ASB18: variants seen among roughly 807,000 people sequenced by gnomAD.
ASB18 encodes the protein ankyrin repeat and SOCS box containing 18.
A neutral mutation model predicts 33.4 loss-of-function variants in ASB18; 33 were observed. That is an observed-to-expected ratio of 0.99 (90% CI 0.75 to 1.32). The LOEUF (loss-of-function observed/expected upper bound fraction) is 1.32, where lower values mean the gene tolerates loss of function less well. ASB18 is among the 40% of genes most tolerant of loss of function. The pLI is 0.00. For missense variants in ASB18, 694 were observed against 655.5 expected, an observed-to-expected ratio of 1.06 and a Z score of -0.64; for synonymous variants, 295 against 307.6, an observed-to-expected ratio of 0.96 and a Z score of 0.43.
At chr2:236,206,242 T>C (rs2060432282) in intron 4 of ASB18, among the ~76,000 whole-genome samples, 2 of 152,036 alleles carry the variant, frequency 1.3e-5, no homozygotes, top group African/African-American at 4.8e-5. Flanking sequence ...TATTTCATTA[T>C]AGTGAACACT....
In ASB18 at chr2:236,241,232, T is replaced by G; in HGVS notation, c.328+48A>C. On this transcript the variant is annotated intron_variant, in intron 2 of 5. Coordinates refer to ENST00000409749, the MANE Select transcript of ASB18 (RefSeq NM_212556.4). The surrounding 1 kb of genome is among the most constrained non-coding windows in gnomAD (Gnocchi z 4.2). ...GGAGCCTTACACTCCCAGAGAGTAT[T>G]AGTAGCCCCTTAAAAATAAATGACT... 6.3e-7 allele frequency: 1 copy of G among 1,598,708 alleles called. No individual in the cohort carries two copies. The highest frequency in any genetic ancestry group is 8.6e-7 in the Non-Finnish European group (1 of 1,167,714).
In ASB18 at chr2:236,209,050, C is replaced by G. The variant is rs562968146; in HGVS notation, c.1101+5312G>C. ...CTCCTCCCACTGGGGACTGGGTGCA[C>G]GCAACTCTGTGAAGATGGGAGGGGG... On this transcript the variant is annotated intron_variant, in intron 4 of 5. Transcript: ENST00000409749. This position sits in a 1 kb window ranked among gnomAD's most constrained non-coding sequence, Gnocchi z 4.4. Among the ~76,000 whole-genome samples the G allele has an allele frequency of 6.6e-6, 1 of 152,100 alleles. No individual in the cohort carries two copies. The highest frequency in any genetic ancestry group is 1.5e-5 in the Non-Finnish European group (1 of 68,028).
In ASB18 at chr2:236,239,472, G is replaced by C. The variant is rs188736539; in HGVS notation, c.329-1516C>G. On this transcript the variant is annotated intron_variant, in intron 2 of 5. Coordinates refer to ENST00000409749, the MANE Select transcript of ASB18 (RefSeq NM_212556.4). The surrounding 1 kb of genome is among the most constrained non-coding windows in gnomAD (Gnocchi z 5.6). ...CTGTAACTCCCGCCCTCTGGTCCCAGTTCTGCCACCAGGAGGGACGTGAAT... is the reference window on the plus strand; with the variant it reads ...CTGTAACTCCCGCCCTCTGGTCCCACTTCTGCCACCAGGAGGGACGTGAAT... Among the ~76,000 whole-genome samples, 18 of 149,422 alleles carry C rather than the reference G, an allele frequency of 1.2e-4. No individual in the cohort carries two copies. The highest frequency in any genetic ancestry group is 4.4e-4 in the African/African-American group (18 of 40,786).
chr2:236,239,162 C>T lies in ASB18; in HGVS notation c.329-1206G>A, dbSNP rs2060609960. On this transcript the variant is annotated intron_variant, in intron 2 of 5. Transcript: ENST00000409749. The surrounding 1 kb of genome is among the most constrained non-coding windows in gnomAD (Gnocchi z 5.6). ...GATGTAGTCTATCTACATTGTTATC[C>T]CCGTGATAACAATAACCTACATTCC... Among the ~76,000 whole-genome samples the T allele has an allele frequency of 6.6e-6, 1 of 152,130 alleles. No homozygotes were observed. Among genetic ancestry groups the T allele is most frequent in the South Asian group, 2.1e-4 (1 of 4,820 alleles).
At chr2:236,224,437 A>C (rs970635998) in intron 3 of ASB18, among the ~76,000 whole-genome samples, 5 of 152,104 alleles carry the variant, frequency 3.3e-5, no homozygotes, top group African/African-American at 1.2e-4. Flanking sequence ...CAGAAAGCTG[A>C]AGAATGTACC....
At chr2:236,247,536 C>G (rs1294409092) in intron 1 of ASB18, 2 of 143,500 alleles carry the variant, frequency 1.4e-5, no homozygotes, top group African/African-American at 3.0e-5. Context: ...TGTTTTCTGA[C>G]CCAGTGCTCT....
chr2:236,233,090 CT>C (rs2060573930), intron 3 of ASB18, among the ~76,000 whole-genome samples: 2 of 151,996 alleles, frequency 1.3e-5, no homozygotes, highest in African/African-American at 4.8e-5. Flanking sequence ...AGGATAACTC[CT>C]CATGATCAAG....
At chr2:236,197,134 C>A (rs2060378285) in intron 4 of ASB18, among the ~76,000 whole-genome samples, 1 of 150,974 alleles carries the variant, frequency 6.6e-6, no homozygotes, top group Non-Finnish European at 1.5e-5. Flanking sequence ...AAAGCAAATT[C>A]CATGTATCCT....
chr2:236,234,420 C>T lies in ASB18; in HGVS notation c.596+3269G>A, dbSNP rs975733298. ...GGTATTCTTCAATTTGTGTTGACAT[C>T]ATCCAGCCCCTTTTGTCTAGGTGTT... is the stretch of plus-strand genomic sequence containing the variant. On this transcript the variant is annotated intron_variant, in intron 3 of 5. Transcript: ENST00000409749. This position sits in a 1 kb window ranked among gnomAD's most constrained non-coding sequence, Gnocchi z 4.1. Among the ~76,000 whole-genome samples, 9 of 152,270 alleles carry T rather than the reference C, an allele frequency of 5.9e-5. No individual in the cohort carries two copies. The highest frequency in any genetic ancestry group is 2.2e-4 in the African/African-American group (9 of 41,560).
In ASB18 at chr2:236,234,252, C is replaced by G. The variant is rs1576405132; in HGVS notation, c.596+3437G>C. 6.6e-6 allele frequency among the ~76,000 whole-genome samples: 1 copy of G among 152,232 alleles called. No individual in the cohort carries two copies. Among genetic ancestry groups the G allele is most frequent in the East Asian group, 1.9e-4 (1 of 5,176 alleles). On this transcript the variant is annotated intron_variant, in intron 3 of 5. Coordinates refer to ENST00000409749, the MANE Select transcript of ASB18 (RefSeq NM_212556.4). The surrounding 1 kb of genome is among the most constrained non-coding windows in gnomAD (Gnocchi z 4.1). ...CCTTGCCCCCTCCCCTGGCTATGTC[C>G]CCTAGGAGGCTGCTATGAGATGGTT...
intron 4 of ASB18, chr2:236,210,540 G>A (rs190666745): frequency 6.6e-6 from 1 of 152,316 alleles, no homozygotes; most frequent in Non-Finnish European, 1.5e-5. Flanking sequence ...TCCTCTGCCA[G>A]GTGAGAGTCT....
Position 236,257,994 on chromosome 2 carries a change from C to T in ASB18, c.205+6147G>A, listed in dbSNP as rs1574673827. Among the ~76,000 whole-genome samples the T allele has an allele frequency of 1.3e-5, 2 of 152,188 alleles. No individual in the cohort carries two copies. The highest frequency in any genetic ancestry group is 3.9e-4 in the East Asian group (2 of 5,190). ...TTGCCAATTCCTCCTTCTTTGCCTC[C>T]GTGTAGGACCAGTTTCAGTTTGAAC... On this transcript the variant is annotated intron_variant, in intron 1 of 5. Coordinates refer to ENST00000409749, the MANE Select transcript of ASB18 (RefSeq NM_212556.4). The surrounding 1 kb of genome is among the most constrained non-coding windows in gnomAD (Gnocchi z 5.5).
chr2:236,198,383 T>C (rs183573267), intron 4 of ASB18, among the ~76,000 whole-genome samples: 1 of 152,320 alleles, frequency 6.6e-6, no homozygotes, highest in African/African-American at 2.4e-5. Flanking sequence ...TTTTCTTTTT[T>C]TTTTGGATGG....
chr2:236,195,322 C>T lies in ASB18; in HGVS notation c.1216-265G>A, dbSNP rs148310279. 4.7e-3 allele frequency among the ~76,000 whole-genome samples: 722 copies of T among 152,250 alleles called. 3 individuals carry two copies. The highest frequency in any genetic ancestry group is 0.017 in the African/African-American group (696 of 41,552). ...TGCTCCAGGTGGTCTCCCCGAATTC[C>T]GTTTTGCTCCATCCTCTTTGCACAG... On this transcript the variant is annotated intron_variant, in intron 5 of 5. Coordinates refer to ENST00000409749, the MANE Select transcript of ASB18 (RefSeq NM_212556.4). The surrounding 1 kb of genome is among the most constrained non-coding windows in gnomAD (Gnocchi z 5.5).
chr2:236,215,734 A>G lies in ASB18; in HGVS notation c.597-868T>C, dbSNP rs534391592. On this transcript the variant is annotated intron_variant, in intron 3 of 5. Transcript: ENST00000409749. This position sits in a 1 kb window ranked among gnomAD's most constrained non-coding sequence, Gnocchi z 7.2. Reference sequence around the variant, plus strand: ...CCTGGAAGCCGGAAGACAGTCATACAGACCCTCTGCCCTCCGCTGGTCCTT... The same window carrying G: ...CCTGGAAGCCGGAAGACAGTCATACGGACCCTCTGCCCTCCGCTGGTCCTT... Among the ~76,000 whole-genome samples the G allele has an allele frequency of 1.3e-5, 2 of 152,226 alleles. No individual in the cohort carries two copies. Among genetic ancestry groups the G allele is most frequent in the Admixed American group, 1.3e-4 (2 of 15,288 alleles).
In ASB18 at chr2:236,222,691, C is replaced by T. The variant is rs1450402196; in HGVS notation, c.597-7825G>A. Among the ~76,000 whole-genome samples, 1 of 152,150 alleles carries T rather than the reference C, an allele frequency of 6.6e-6. No homozygotes were observed. Among genetic ancestry groups the T allele is most frequent in the African/African-American group, 2.4e-5 (1 of 41,440 alleles). ...AGTACCATCCCCTTGGTGCTTTCCTCACGATAGCGAGTTCATGGGTGATCT... is the reference window on the plus strand; with the variant it reads ...AGTACCATCCCCTTGGTGCTTTCCTTACGATAGCGAGTTCATGGGTGATCT... On this transcript the variant is annotated intron_variant, in intron 3 of 5. Transcript: ENST00000409749. The surrounding 1 kb of genome is among the most constrained non-coding windows in gnomAD (Gnocchi z 5.5).
chr2:236,253,595 C>T lies in ASB18; in HGVS notation c.205+10546G>A, dbSNP rs2060678422. On this transcript the variant is annotated intron_variant, in intron 1 of 5. Transcript: ENST00000409749. The surrounding 1 kb of genome is among the most constrained non-coding windows in gnomAD (Gnocchi z 5.4). The stretch of plus-strand genomic sequence containing the variant: ...GGGAGATGGGGTCTCACTGTGTTGC[C>T]CAGGCTGGTCTCTAACTCCTGGCCT... 6.6e-6 allele frequency among the ~76,000 whole-genome samples: 1 copy of T among 151,490 alleles called. No individual in the cohort carries two copies. The highest frequency in any genetic ancestry group is 2.1e-4 in the South Asian group (1 of 4,762).
rs1046930010 is a variant in ASB18 at position 236,251,743 on chromosome 2, G to C, written c.206-10341C>G. On this transcript the variant is annotated intron_variant, in intron 1 of 5. Coordinates refer to ENST00000409749, the MANE Select transcript of ASB18 (RefSeq NM_212556.4). The surrounding 1 kb of genome is among the most constrained non-coding windows in gnomAD (Gnocchi z 5.3). ...ACTGTAAGTGACTGCTGAAACACTG[G>C]ACTGCTAATCACGTTCAATTTTACT... is the stretch of plus-strand genomic sequence containing the variant. Among the ~76,000 whole-genome samples the C allele has an allele frequency of 1.1e-4, 16 of 152,156 alleles. No individual in the cohort carries two copies. Among genetic ancestry groups the C allele is most frequent in the Non-Finnish European group, 1.8e-4 (12 of 68,024 alleles).
Position 236,234,292 on chromosome 2 carries a change from G to A in ASB18, c.596+3397C>T, listed in dbSNP as rs2060579362. Among the ~76,000 whole-genome samples the A allele has an allele frequency of 6.6e-6, 1 of 152,168 alleles. No homozygotes were observed. The highest frequency in any genetic ancestry group is 1.5e-5 in the Non-Finnish European group (1 of 68,022). On this transcript the variant is annotated intron_variant, in intron 3 of 5. Coordinates refer to ENST00000409749, the MANE Select transcript of ASB18 (RefSeq NM_212556.4). This position sits in a 1 kb window ranked among gnomAD's most constrained non-coding sequence, Gnocchi z 4.1. ...ATGAGATGGTTTCTCAATGCCTTCT[G>A]GATCCTGAGGAGGCAGGGACCTTCC...
Sources: gnomAD v4.1 joint callset for allele counts (sites outside exome capture counted in the v4.1 genomes callset) on GRCh38, gnomAD v4.1.1 for gene constraint, Gnocchi (gnomAD v3.1) non-coding constraint, MANE v1.5 for transcripts, NCBI Gene and HGNC (gene_info 2026-07-23, HGNC 2026-07-21) for gene names.